Variants in ANO1 observed in about 807,000 individuals in gnomAD.
ANO1 encodes anoctamin-1.
In ANO1, 59 loss-of-function variants were observed where a neutral mutation model predicts 124.0. The observed-to-expected ratio is 0.48, with a 90% CI of 0.39 to 0.59. The LOEUF (loss-of-function observed/expected upper bound fraction) is 0.59, where lower values mean the gene tolerates loss of function less well. Ranked by LOEUF, ANO1 falls within the 20% of genes least tolerant of loss-of-function variation. The pLI is 0.00. For synonymous variants in ANO1, 529 were observed against 532.0 expected (o/e 0.99, Z 0.08); for missense variants, 1,059 against 1,328.0 (o/e 0.80, Z 3.15).
At chr11:70,032,531 GGA>G (rs1289784889) in intron 1 of ANO1, among the ~76,000 whole-genome samples, 5 of 134,438 alleles carry the variant, frequency 3.7e-5, no homozygotes, top group South Asian at 2.8e-4. Context: ...GAGGGAGGCG[GGA>G]GAGGGGGGGG....
chr11:69,977,776 C>A, the ANO1 span, among the ~76,000 whole-genome samples: 7 of 152,348 alleles, frequency 4.6e-5, no homozygotes, highest in African/African-American at 1.4e-4. Context: ...TGAGACCCAG[C>A]GCTCTGAAGA....
At chr11:70,174,383 G>A (rs1030764542) in intron 22 of ANO1, among the ~76,000 whole-genome samples, 5 of 151,812 alleles carry the variant, frequency 3.3e-5, no homozygotes, top group African/African-American at 1.2e-4. Context: ...GCAACACAGC[G>A]AGACTCCACC....
intron 1 of ANO1, among the ~76,000 whole-genome samples, chr11:70,079,119 G>C (rs953544198): frequency 6.6e-6 from 1 of 152,152 alleles, no homozygotes; most frequent in African/African-American, 2.4e-5. Flanking sequence ...GGGCAGCCAG[G>C]GTGAGGGTGA....
chr11:70,057,062 C>A (rs1555006983), intron 1 of ANO1, among the ~76,000 whole-genome samples: 1 of 152,142 alleles, frequency 6.6e-6, no homozygotes, highest in African/African-American at 2.4e-5. Flanking sequence ...CTAATTACCC[C>A]AATATCTGGA....
In ANO1 at chr11:70,167,356, C is replaced by T. The variant is rs200208295; in HGVS notation, c.2166C>T (p.Phe722=). 54 of 1,613,234 alleles carry T rather than the reference C, an allele frequency of 3.3e-5. No homozygotes were observed. In the Middle Eastern group the frequency reaches 9.9e-4, roughly 30 times the overall value. The change falls in exon 21 of 26, where the codon TTC becomes TTT. Residue 722 remains phenylalanine, a synonymous_variant. Coordinates refer to ENST00000355303, the MANE Select transcript of ANO1 (RefSeq NM_018043.7). ...AGGTGGATTACAACCTGGAGCCCTT[C>T]GCGGGCCTCACCCCAGAGTACATGG... ...RYEVDYNLEP[F]AGLTPEYMEM...
chr11:70,161,486 G>A, intron 17 of ANO1, 124 bp downstream of exon 17: 1 of 1,380,270 alleles, frequency 7.2e-7, no homozygotes, highest in South Asian at 1.2e-5. Flanking sequence ...GTTCTCAATG[G>A]GTATCCTGAG....
intron 1 of ANO1, among the ~76,000 whole-genome samples, chr11:70,069,903 G>C (rs1010300043): frequency 1.3e-5 from 2 of 152,228 alleles, no homozygotes; most frequent in African/African-American, 4.8e-5. Context: ...TTAACCCTTT[G>C]GGGATGAGTT....
chr11:70,054,523 G>C (rs1857404181), intron 1 of ANO1, among the ~76,000 whole-genome samples: 1 of 152,192 alleles, frequency 6.6e-6, no homozygotes, highest in African/African-American at 2.4e-5. Flanking sequence ...TTTGAACCTA[G>C]CCTTCTCTGT....
chr11:70,129,902 T>C (rs1339527638), intron 10 of ANO1, among the ~76,000 whole-genome samples: 2 of 152,176 alleles, frequency 1.3e-5, no homozygotes, highest in Non-Finnish European at 2.9e-5. Flanking sequence ...ATTACAGGCA[T>C]GAGCCACCGT....
intron 22 of ANO1, among the ~76,000 whole-genome samples, 151 bp downstream of exon 22, chr11:70,171,190 A>G (rs1331286631): frequency 1.3e-5 from 2 of 152,198 alleles, no homozygotes; most frequent in African/African-American, 2.4e-5. Context: ...GCCTGGGGGC[A>G]GGTGACACAA....
chr11:70,002,656 A>G (rs149824648), intron 1 of ANO1, among the ~76,000 whole-genome samples: 1 of 152,168 alleles, frequency 6.6e-6, no homozygotes, highest in Admixed American at 6.5e-5. Context: ...ACCTAATGAC[A>G]CATTTCTCAG....
At chr11:70,079,196 A>G (rs1056980978) in intron 1 of ANO1, among the ~76,000 whole-genome samples, 2 of 152,078 alleles carry the variant, frequency 1.3e-5, no homozygotes, top group Non-Finnish European at 1.5e-5. Flanking sequence ...GCCAGGCCCC[A>G]CTGCTTCACT....
At chr11:70,060,762 T>C (rs188250501) in intron 1 of ANO1, among the ~76,000 whole-genome samples, 13 of 152,248 alleles carry the variant, frequency 8.5e-5, no homozygotes, top group African/African-American at 2.6e-4. Flanking sequence ...CAACTTGTTC[T>C]GATAGAAAGG....
At chr11:70,121,598 C>CCTCTGT (rs1319056756) in intron 8 of ANO1, among the ~76,000 whole-genome samples, 1 of 116,836 alleles carries the variant, frequency 8.6e-6, no homozygotes, top group African/African-American at 3.2e-5. Context: ...TCTCCATCTG[C>CCTCTGT]CTCTGTCTCT....
At chr11:70,027,550 G>T (rs1250853632) in intron 1 of ANO1, among the ~76,000 whole-genome samples, 1 of 152,212 alleles carries the variant, frequency 6.6e-6, no homozygotes, top group Non-Finnish European at 1.5e-5. Context: ...TCATCAAACT[G>T]CAAACACTTA....
chr11:70,113,355 G>A (rs1240410755), intron 7 of ANO1, among the ~76,000 whole-genome samples: 1 of 152,174 alleles, frequency 6.6e-6, no homozygotes. Context: ...GATTGAGTCG[G>A]TTTGCCTCGG....
intron 10 of ANO1, among the ~76,000 whole-genome samples, chr11:70,127,523 A>G (rs969680394): frequency 1.3e-5 from 2 of 152,178 alleles, no homozygotes; most frequent in African/African-American, 4.8e-5. Flanking sequence ...GTTCCCCCAC[A>G]TGACTTCAGA....
At chr11:69,987,913 C>T (rs568140624) in intron 1 of ANO1, among the ~76,000 whole-genome samples, 67 of 152,304 alleles carry the variant, frequency 4.4e-4, no homozygotes, top group Non-Finnish European at 8.5e-4. Flanking sequence ...CGGCCACAGC[C>T]TCCACTCCCG....
At chr11:70,139,888 C>T (rs2047086653) in intron 11 of ANO1, among the ~76,000 whole-genome samples, 1 of 152,222 alleles carries the variant, frequency 6.6e-6, no homozygotes, top group Non-Finnish European at 1.5e-5. Flanking sequence ...CTGGCTCCGG[C>T]TGGCGTGTGT....
Sources: gnomAD v4.1 joint callset for allele counts (sites outside exome capture counted in the v4.1 genomes callset) on GRCh38, gnomAD v4.1.1 for gene constraint, MANE v1.5 for transcripts, NCBI Gene and HGNC (gene_info 2026-07-23, HGNC 2026-07-21) for gene names.